Variants in ADAMTS6 observed in about 807,000 individuals in gnomAD.
ADAMTS6 encodes the protein A disintegrin and metalloproteinase with thrombospondin motifs 6.
Under a neutral mutation model 144.3 loss-of-function variants are expected in ADAMTS6, and 23 were observed. That is an observed-to-expected ratio of 0.16 (90% confidence interval 0.11 to 0.23). The LOEUF is 0.23. Ranked by LOEUF, ADAMTS6 falls within the 10% of genes least tolerant of loss-of-function variation. The pLI is 1.00. For synonymous variants in ADAMTS6, 444 were observed against 457.5 expected, an observed-to-expected ratio of 0.97 and a Z score of 0.38; for missense variants, 999 against 1,379.6, an observed-to-expected ratio of 0.72 and a Z score of 4.37.
At chr5:65,373,223 CA>C (rs1321808931) in intron 7 of ADAMTS6, among the ~76,000 whole-genome samples, 4 of 150,570 alleles carry the variant, frequency 2.7e-5, no homozygotes, top group African/African-American at 9.8e-5. Flanking sequence ...CAAACACATT[CA>C]AAAGCTAGCA....
At chr5:65,375,621 A>ATGTGG (rs1751453836) in intron 7 of ADAMTS6, among the ~76,000 whole-genome samples, 1 of 151,410 alleles carries the variant, frequency 6.6e-6, no homozygotes, top group Non-Finnish European at 1.5e-5. Context: ...ACAGGGGCTG[A>ATGTGG]AGAAGATGTG....
intron 11 of ADAMTS6, among the ~76,000 whole-genome samples, chr5:65,280,953 C>T (rs763012074): frequency 2.0e-5 from 3 of 152,126 alleles, no homozygotes; most frequent in Non-Finnish European, 2.9e-5. Context: ...AAAACTGAAT[C>T]CCCATCACTG....
chr5:65,394,809 T>C (rs73111136), intron 7 of ADAMTS6, among the ~76,000 whole-genome samples: 1,915 of 152,270 alleles, frequency 0.013, 40 homozygotes, highest in African/African-American at 0.044. Flanking sequence ...TATTTGACCC[T>C]CCAAACTTAC....
intron 12 of ADAMTS6, among the ~76,000 whole-genome samples, chr5:65,266,663 C>A (rs187039676): frequency 1.1e-4 from 17 of 151,956 alleles, no homozygotes; most frequent in Admixed American, 2.6e-4. Context: ...AATTTTAGTT[C>A]TTGATTCCAA....
chr5:65,325,130 G>C (rs919481270), intron 9 of ADAMTS6, among the ~76,000 whole-genome samples: 1 of 152,136 alleles, frequency 6.6e-6, no homozygotes. Context: ...ATGGTTGTCT[G>C]GGGATGGAGG....
chr5:65,224,562 C>A (rs558909642), intron 17 of ADAMTS6, among the ~76,000 whole-genome samples, 162 bp from the exon 18 acceptor site: 82 of 152,230 alleles, frequency 5.4e-4, no homozygotes, highest in Non-Finnish European at 9.4e-4. Flanking sequence ...TTCATGAATA[C>A]ATTTTAGAGA....
chr5:65,471,240 CAATT>C (rs1760409528), intron 2 of ADAMTS6, 98 bp from the exon 3 acceptor site: 1 of 1,215,890 alleles, frequency 8.2e-7, no homozygotes, highest in African/African-American at 1.6e-5. Context: ...ACAACTATGT[CAATT>C]AAAACTATGA....
chr5:65,466,939 G>C (rs1400432810), intron 3 of ADAMTS6, among the ~76,000 whole-genome samples: 1 of 151,954 alleles, frequency 6.6e-6, no homozygotes, highest in Non-Finnish European at 1.5e-5. Flanking sequence ...CTACTCGGGA[G>C]GCTGACGCAG....
At chr5:65,164,178 C>T (rs1266710945) in intron 24 of ADAMTS6, among the ~76,000 whole-genome samples, 14 of 151,794 alleles carry the variant, frequency 9.2e-5, no homozygotes, top group South Asian at 4.2e-4. Context: ...GTGCGCGCAC[C>T]GTGCGCGAGC....
Position 65,433,218 on chromosome 5 carries a change from T to G in ADAMTS6, c.1073+18257A>C, listed in dbSNP as rs1165370386. 2.6e-5 allele frequency among the ~76,000 whole-genome samples: 4 copies of G among 152,254 alleles called. No homozygotes were observed. The East Asian group carries it at 5.8e-4, about 22-fold the overall frequency. On this transcript the variant is annotated intron_variant, in intron 7 of 24. Transcript: ENST00000381055. ...GCTGCTTCTATGATTCCACCATATT[T>G]TTTCTTCTCAAAACCTAGTATGTGA...
In ADAMTS6 at chr5:65,186,663, C is replaced by A. The variant is rs114129189; in HGVS notation, c.2910+1353G>T. On this transcript the variant is annotated intron_variant, in intron 22 of 24. Coordinates refer to ENST00000381055, the MANE Select transcript of ADAMTS6 (RefSeq NM_197941.4). ...AAATCAATTAGGAGTTAATGTATCC[C>A]GTTAGGGAACAGGAGAGTCCATACT... is the stretch of plus-strand genomic sequence containing the variant. Among the ~76,000 whole-genome samples the A allele has an allele frequency of 2.0e-5, 3 of 152,224 alleles. No homozygotes were observed. In the East Asian group the frequency reaches 5.8e-4, roughly 29 times the overall value.
intron 18 of ADAMTS6, among the ~76,000 whole-genome samples, chr5:65,223,794 G>A (rs954301074): frequency 1.3e-5 from 2 of 149,098 alleles, no homozygotes; most frequent in African/African-American, 5.1e-5. Flanking sequence ...ATCTCTTTGA[G>A]ATAGTGATTT....
At chr5:65,349,523 T>G (rs1561451957) in intron 7 of ADAMTS6, among the ~76,000 whole-genome samples, 2 of 152,134 alleles carry the variant, frequency 1.3e-5, no homozygotes, top group Non-Finnish European at 2.9e-5. Flanking sequence ...GTCCTTTGCC[T>G]TTTAAAGTTT....
chr5:65,343,193 C>A (rs534668141), intron 7 of ADAMTS6, among the ~76,000 whole-genome samples: 93 of 151,908 alleles, frequency 6.1e-4, no homozygotes, highest in Non-Finnish European at 2.5e-4. Flanking sequence ...AAAACAAAAA[C>A]CCTAAAATGT....
chr5:65,296,492 A>C (rs6449780), intron 10 of ADAMTS6, among the ~76,000 whole-genome samples: 148,688 of 152,282 alleles, frequency 0.98, 72,607 homozygotes, highest in East Asian at 1. Context: ...GAGTAAGGTT[A>C]CCCAAATGTA....
At chr5:65,412,872 A>G (rs1157189705) in intron 7 of ADAMTS6, among the ~76,000 whole-genome samples, 1 of 152,160 alleles carries the variant, frequency 6.6e-6, no homozygotes, top group East Asian at 1.9e-4. Context: ...TTTTAATCCA[A>G]TTATTTGTAG....
rs865862170 is a variant in ADAMTS6 at position 65,408,457 on chromosome 5, A to G, written c.1073+43018T>C. Reference sequence around the variant, plus strand: ...TCAACAAGAAGAGCTAACTATCTTAAATATATATGCACCCAATACAGGAAC... The same window carrying G: ...TCAACAAGAAGAGCTAACTATCTTAGATATATATGCACCCAATACAGGAAC... On this transcript the variant is annotated intron_variant, in intron 7 of 24. Transcript: ENST00000381055. Among the ~76,000 whole-genome samples the G allele has an allele frequency of 2.0e-5, 3 of 152,312 alleles. 1 individual carries two copies. Among genetic ancestry groups the G allele is most frequent in the Middle Eastern group, 6.8e-3 (2 of 294 alleles).
intron 15 of ADAMTS6, among the ~76,000 whole-genome samples, chr5:65,241,097 T>C (rs1759137380): frequency 6.6e-6 from 1 of 152,024 alleles, no homozygotes; most frequent in Non-Finnish European, 1.5e-5. Context: ...CAGACATGTA[T>C]GAAGAAAGTA....
intron 7 of ADAMTS6, among the ~76,000 whole-genome samples, chr5:65,432,810 A>T (rs1048982012): frequency 1.3e-5 from 2 of 152,094 alleles, no homozygotes. Flanking sequence ...TTTGTTCACT[A>T]CATGTCACTT....
Sources: gnomAD v4.1 joint callset for allele counts (sites outside exome capture counted in the v4.1 genomes callset) on GRCh38, gnomAD v4.1.1 for gene constraint, MANE v1.5 for transcripts, NCBI Gene and HGNC (gene_info 2026-07-23, HGNC 2026-07-21) for gene names.